Variants in MYLK observed in about 807,000 individuals in gnomAD.
The protein encoded by MYLK is myosin light chain kinase.
MYLK carries 106 observed loss-of-function variants against 203.4 expected under a neutral mutation model. The ratio of observed to expected loss-of-function variants is 0.52; its 90% CI spans 0.45 to 0.61. The LOEUF is 0.61. Ranked by LOEUF, MYLK falls within the 20% of genes least tolerant of loss-of-function variation. The pLI is 0.00. For synonymous variants in MYLK, 867 were observed against 959.5 expected (o/e 0.90, Z 1.78); for missense variants, 2,072 against 2,442.3 (o/e 0.85, Z 3.20).
intron 19 of MYLK, among the ~76,000 whole-genome samples, chr3:123,687,106 C>G (rs1394255378): frequency 6.6e-6 from 1 of 152,140 alleles, no homozygotes; most frequent in Non-Finnish European, 1.5e-5. Context: ...CCTGTAACCT[C>G]AGCTACTTGG....
At chr3:123,657,530 C>G in intron 23 of MYLK, 102 bp from the exon 24 acceptor site, 5 of 1,213,632 alleles carry the variant, frequency 4.1e-6, no homozygotes, top group Non-Finnish European at 5.9e-6. Context: ...CCTAGAGAAC[C>G]CAATCCAAAG....
Position 123,639,056 on chromosome 3 carries a change from G to A in MYLK, c.4838-862C>T, listed in dbSNP as rs184715988. ...CAGTTATCTGGTCCTTGGTGGACAC[G>A]GTTGTTCCCACAGTATCCCTCACCA... is the stretch of plus-strand genomic sequence containing the variant. On this transcript the variant is annotated intron_variant, in intron 28 of 33. Transcript: ENST00000360304. 1.0e-3 allele frequency: 1,027 copies of A among 985,388 alleles called. 4 individuals are homozygous for A. Among genetic ancestry groups the A allele is most frequent in the Middle Eastern group, 8.4e-3 (16 of 1,914 alleles). The allele number at this position is 985,388 out of a possible 1,614,324, so 61.0% of individuals were successfully genotyped here. A position where few individuals can be genotyped will look rare whatever the true frequency, so the allele number is the denominator to read the frequency against.
chr3:123,634,748 C>T (rs149507504), intron 29 of MYLK, among the ~76,000 whole-genome samples: 4 of 152,074 alleles, frequency 2.6e-5, no homozygotes, highest in African/African-American at 9.7e-5. Flanking sequence ...CCACAGGCAG[C>T]AAGGAAGTAC....
chr3:123,777,631 T>C (rs764514297), intron 4 of MYLK, among the ~76,000 whole-genome samples: 2 of 152,140 alleles, frequency 1.3e-5, no homozygotes, highest in African/African-American at 2.4e-5. Flanking sequence ...CGAAGAGCAG[T>C]GAGAAGGGGC....
chr3:123,765,342 C>A (rs1008023974), intron 4 of MYLK, among the ~76,000 whole-genome samples: 2 of 151,928 alleles, frequency 1.3e-5, no homozygotes, highest in African/African-American at 4.8e-5. Context: ...ACCAGCCTGG[C>A]CAACATGGTG....
rs1029671953 is a variant in MYLK, at chr3:123,640,288, C to T, written c.4836G>A (p.Leu1612=). ...ATGGGAGAGGCAGATGAGCCTTACC[C>T]AGCCTCCTGGCCAGACCAAAGTCGA... ...KLIDFGLARR[L]ENAGSLKVLF... is the part of the protein sequence containing the mutation. The change falls in exon 28 of 34, where the codon CTG becomes CTA. Residue 1612 remains leucine, a splice_region_variant and synonymous_variant. Transcript: ENST00000360304. This position sits in a 1 kb window ranked among gnomAD's most constrained non-coding sequence, Gnocchi z 4.3. 1 of 1,613,802 alleles carries T rather than the reference C, an allele frequency of 6.2e-7. No individual in the cohort carries two copies. Among genetic ancestry groups the T allele is most frequent in the Non-Finnish European group, 8.5e-7 (1 of 1,179,992 alleles).
chr3:123,711,758 G>C (rs1298213328), intron 13 of MYLK, among the ~76,000 whole-genome samples: 1 of 152,196 alleles, frequency 6.6e-6, no homozygotes, highest in Non-Finnish European at 1.5e-5. Context: ...TAAACCCTAA[G>C]TTTCTGGGGA....
At chr3:123,844,554 T>G (rs1459149811) in intron 2 of MYLK, among the ~76,000 whole-genome samples, 1 of 129,830 alleles carries the variant, frequency 7.7e-6, no homozygotes, top group African/African-American at 3.0e-5. Flanking sequence ...GGGAAGTCAC[T>G]TAACCTTTCT....
At chr3:123,779,213 C>A (rs1560206312) in intron 4 of MYLK, among the ~76,000 whole-genome samples, 1 of 152,160 alleles carries the variant, frequency 6.6e-6, no homozygotes, top group Non-Finnish European at 1.5e-5. Flanking sequence ...GTTGTGCCTG[C>A]GCCTGAGCAG....
Position 123,620,236 on chromosome 3 carries a change from G to A in MYLK, c.5339C>T (p.Pro1780Leu), listed in dbSNP as rs200088151. Residue 1780 changes from proline to leucine, a missense_variant, in exon 32 of 34, where the codon CCG becomes CTG. Pro to Leu is a moderately conservative substitution (Grantham distance 98). Coordinates refer to ENST00000360304, the MANE Select transcript of MYLK (RefSeq NM_053025.4). ...RKSSTGSPTS[P>L]LNAEKLESEE... ...AGATTCTAGTTTTTCTGCATTGAGC[G>A]GGCTGGTTGGTGACCCTGTTGAGGA... 8.7e-6 allele frequency: 14 copies of A among 1,614,116 alleles called. No homozygotes were observed. Among genetic ancestry groups the A allele is most frequent in the East Asian group, 4.5e-5 (2 of 44,880 alleles).
At chr3:123,763,690 T>C (rs1262100574) in intron 4 of MYLK, among the ~76,000 whole-genome samples, 2 of 152,182 alleles carry the variant, frequency 1.3e-5, no homozygotes, top group East Asian at 1.9e-4. Context: ...CTGTGAACTA[T>C]TATGTGTGTG....
At chr3:123,689,936 T>C (rs532378753) in intron 19 of MYLK, among the ~76,000 whole-genome samples, 1 of 152,386 alleles carries the variant, frequency 6.6e-6, no homozygotes, top group South Asian at 2.1e-4. Flanking sequence ...CTTTATGATA[T>C]GAGGGAATCA....
chr3:123,647,503 G>A (rs2059062230), intron 26 of MYLK, 76 bp from the exon 27 acceptor site: 1 of 1,305,418 alleles, frequency 7.7e-7, no homozygotes, highest in East Asian at 2.3e-5. Flanking sequence ...GCAAATTATG[G>A]CCCATGGGAC....
intron 18 of MYLK, among the ~76,000 whole-genome samples, chr3:123,695,761 C>G (rs2060897436): frequency 6.6e-6 from 1 of 152,144 alleles, no homozygotes; most frequent in South Asian, 2.1e-4. Context: ...AAAATGAATC[C>G]TCATTGTTAG....
chr3:123,793,402 T>C (rs1012982571), intron 4 of MYLK, among the ~76,000 whole-genome samples: 3 of 152,174 alleles, frequency 2.0e-5, no homozygotes, highest in African/African-American at 7.2e-5. Flanking sequence ...TCTGTAATTA[T>C]ATAGCATGTA....
chr3:123,806,748 C>T (rs1012001601), intron 3 of MYLK, among the ~76,000 whole-genome samples: 3 of 151,996 alleles, frequency 2.0e-5, no homozygotes, highest in African/African-American at 4.8e-5. Context: ...ATGCAACCTC[C>T]GCATCCTGGG....
intron 16 of MYLK, 134 bp from the exon 17 acceptor site, chr3:123,701,643 G>C: frequency 1.2e-6 from 1 of 824,750 alleles, no homozygotes; most frequent in Non-Finnish European, 2.1e-6. Context: ...ATTCACCCCA[G>C]CCTTAGATTT....
chr3:123,822,758 C>T (rs2065980463), intron 3 of MYLK, among the ~76,000 whole-genome samples: 1 of 152,168 alleles, frequency 6.6e-6, no homozygotes, highest in Non-Finnish European at 1.5e-5. Context: ...ATATCAGTAG[C>T]CTCTTCTGCC....
intron 20 of MYLK, among the ~76,000 whole-genome samples, chr3:123,676,853 G>A (rs868194182): frequency 2.0e-5 from 3 of 152,242 alleles, no homozygotes; most frequent in African/African-American, 7.2e-5. Context: ...CCACATGGAT[G>A]TCCGTTTATA....
Sources: allele counts gnomAD v4.1 joint callset (sites outside exome capture counted in the v4.1 genomes callset), GRCh38; gene constraint gnomAD v4.1.1; non-coding constraint Gnocchi (gnomAD v3.1); transcripts MANE v1.5; gene names NCBI Gene and HGNC (gene_info 2026-07-23, HGNC 2026-07-21).